Variants in CCDC186 observed in about 807,000 individuals in gnomAD.
CCDC186 encodes the protein coiled-coil domain-containing protein 186.
A neutral mutation model predicts 113.7 loss-of-function variants in CCDC186; 49 were observed. The observed-to-expected ratio is 0.43, with a 90% CI of 0.34 to 0.55. The LOEUF (loss-of-function observed/expected upper bound fraction) is 0.55. Among genes scored for constraint, CCDC186 ranks in the 20% least tolerant of loss-of-function variants. The pLI is 0.02. For missense variants in CCDC186, 890 were observed against 1,011.1 expected (o/e 0.88, Z 1.62); for synonymous variants, 355 against 345.8 (o/e 1.03, Z -0.30).
In CCDC186 at chr10:114,122,387, A is replaced by C. The variant is rs555060531; in HGVS notation, c.*2756T>G. On this transcript the variant is annotated 3_prime_UTR_variant, in exon 16 of 16. Coordinates refer to ENST00000369287, the MANE Select transcript of CCDC186 (RefSeq NM_018017.4). ...CCCAAACCTACCATTTTCAGTCCTT[A>C]AAACTAAACAGGCTAAAGTCTGAAG... is the stretch of plus-strand genomic sequence containing the variant. 1 of 152,326 alleles carries C rather than the reference A, an allele frequency of 6.6e-6. No homozygotes were observed. The highest frequency in any genetic ancestry group is 2.1e-4 in the South Asian group (1 of 4,832). 9.4% of individuals were successfully genotyped at this position (152,326 alleles called of 1,614,324 possible). A position where few individuals can be genotyped will look rare whatever the true frequency, so the allele number is the denominator to read the frequency against.
Position 114,174,148 on chromosome 10 carries a change from CCTCA to C in CCDC186, c.-199_-196del, listed in dbSNP as rs755562830. 2.3e-5 allele frequency: 11 copies of C among 470,208 alleles called. 1 individual carries two copies. The highest frequency in any genetic ancestry group is 1.7e-4 in the South Asian group (11 of 64,408). 29.1% of individuals were successfully genotyped at this position (470,208 alleles called of 1,614,324 possible). Reference sequence around the variant, plus strand: ...ACCGCGGTGAGAAACACAGCCGACGCCTCACTCAGCGGCCGTTTCCCCAAACCCC... The same window carrying C: ...ACCGCGGTGAGAAACACAGCCGACGCCTCAGCGGCCGTTTCCCCAAACCCC... On this transcript the variant is annotated 5_prime_UTR_variant, in exon 1 of 16. An upstream open reading frame in the 5' UTR loses its in-frame stop. Transcript: ENST00000369287.
rs565758602 is a variant in CCDC186, at chr10:114,121,412, G to A, written c.*3731C>T. The A allele has an allele frequency of 2.0e-5, 3 of 152,074 alleles. No homozygotes were observed. Among genetic ancestry groups the A allele is most frequent in the Non-Finnish European group, 4.4e-5 (3 of 67,976 alleles). The allele number at this position is 152,074 out of a possible 1,614,324, so 9.4% of individuals were successfully genotyped here. ...TTTTTTCTTTTACTGATAAATCTTG[G>A]TTTAAATTTGCATGTAACAATTTTT... On this transcript the variant is annotated 3_prime_UTR_variant, in exon 16 of 16. Transcript: ENST00000369287.
intron 6 of CCDC186, among the ~76,000 whole-genome samples, chr10:114,143,052 TGCTG>T (rs2031529869): frequency 6.6e-6 from 1 of 152,192 alleles, no homozygotes; most frequent in African/African-American, 2.4e-5. Context: ...GCACAAAGCT[TGCTG>T]GTTAATAAAT....
intron 6 of CCDC186, among the ~76,000 whole-genome samples, chr10:114,141,801 G>A (rs2031477344): frequency 6.6e-6 from 1 of 152,146 alleles, no homozygotes; most frequent in African/African-American, 2.4e-5. Flanking sequence ...AATTCAGGTA[G>A]ACTGCTGGGC....
chr10:114,125,059 A>T lies in CCDC186; in HGVS notation c.*84T>A. On this transcript the variant is annotated 3_prime_UTR_variant, in exon 16 of 16. Transcript: ENST00000369287. Reference sequence around the variant, plus strand: ...AATATTTTTACTGGCTGAAACAAAAAGTGGAACAAAGTCTCCAACAATAGA... The same window carrying T: ...AATATTTTTACTGGCTGAAACAAAATGTGGAACAAAGTCTCCAACAATAGA... 1.0e-6 allele frequency: 1 copy of T among 978,294 alleles called. No individual in the cohort carries two copies. The highest frequency in any genetic ancestry group is 1.5e-6 in the Non-Finnish European group (1 of 657,670). The allele number at this position is 978,294 out of a possible 1,614,324, so 60.6% of individuals were successfully genotyped here.
chr10:114,159,413 G>A (rs1320710195), intron 2 of CCDC186, among the ~76,000 whole-genome samples: 1 of 151,966 alleles, frequency 6.6e-6, no homozygotes, highest in Non-Finnish European at 1.5e-5. Context: ...GGGAGGTGGA[G>A]GCGGGTGGAT....
intron 6 of CCDC186, among the ~76,000 whole-genome samples, chr10:114,143,353 T>C (rs571732038): frequency 6.6e-6 from 1 of 152,360 alleles, no homozygotes; most frequent in East Asian, 1.9e-4. Context: ...ATATCAGACA[T>C]GACCAAGTAT....
intron 1 of CCDC186, among the ~76,000 whole-genome samples, chr10:114,166,226 C>G (rs1263885927): frequency 6.6e-6 from 1 of 152,208 alleles, no homozygotes; most frequent in Non-Finnish European, 1.5e-5. Context: ...TATCTCTCAA[C>G]ACATTCCTGA....
At chr10:114,135,492 C>A (rs2031230017) in intron 9 of CCDC186, among the ~76,000 whole-genome samples, 1 of 152,096 alleles carries the variant, frequency 6.6e-6, no homozygotes, top group African/African-American at 2.4e-5. Context: ...GAGGACTTAA[C>A]AGATTATTGG....
intron 1 of CCDC186, among the ~76,000 whole-genome samples, chr10:114,166,467 T>C (rs1000321755): frequency 5.9e-5 from 9 of 152,228 alleles, no homozygotes; most frequent in African/African-American, 2.2e-4. Flanking sequence ...ACACTGCATT[T>C]ACACTCATCA....
chr10:114,137,795 G>A (rs971005800), intron 6 of CCDC186, among the ~76,000 whole-genome samples: 1 of 151,862 alleles, frequency 6.6e-6, no homozygotes, highest in Admixed American at 6.6e-5. Context: ...CCAGCACTTT[G>A]GGGGGCTGAG....
intron 1 of CCDC186, among the ~76,000 whole-genome samples, chr10:114,165,068 A>G (rs2032296743): frequency 6.6e-6 from 1 of 152,266 alleles, no homozygotes; most frequent in African/African-American, 2.4e-5. Context: ...AAGTGTAAGA[A>G]AGGAAAAGTA....
chr10:114,139,400 T>C (rs2031387756), intron 6 of CCDC186, among the ~76,000 whole-genome samples: 1 of 151,854 alleles, frequency 6.6e-6, no homozygotes, highest in South Asian at 2.1e-4. Flanking sequence ...CAGTCTCTAC[T>C]AAAAATACAA....
intron 12 of CCDC186, 166 bp downstream of exon 12, chr10:114,130,981 A>G (rs2031068086): frequency 2.0e-6 from 1 of 491,248 alleles, no homozygotes; most frequent in Non-Finnish European, 3.4e-6. Flanking sequence ...ATCCTTTAGG[A>G]TAAAAGATCG....
At chr10:114,149,022 T>C (rs1167696636) in intron 4 of CCDC186, among the ~76,000 whole-genome samples, 1 of 152,256 alleles carries the variant, frequency 6.6e-6, no homozygotes, top group Non-Finnish European at 1.5e-5. Flanking sequence ...TCATCTTTTC[T>C]ATATGCTTGA....
intron 12 of CCDC186, chr10:114,130,424 G>C (rs75816168): frequency 0.013 from 2,007 of 154,278 alleles, 107 homozygotes; most frequent in Admixed American, 0.1. Context: ...AAATAGTAGA[G>C]AATAGGAGGT....
chr10:114,148,979 G>A (rs1030258982), intron 4 of CCDC186, among the ~76,000 whole-genome samples: 6 of 152,198 alleles, frequency 3.9e-5, no homozygotes, highest in Admixed American at 6.5e-5. Context: ...GACAATAGAT[G>A]AAAGATAAAC....
chr10:114,141,898 T>C (rs2031480553), intron 6 of CCDC186, among the ~76,000 whole-genome samples: 1 of 152,224 alleles, frequency 6.6e-6, no homozygotes, highest in Non-Finnish European at 1.5e-5. Context: ...TGTCCTATGC[T>C]GCCTGTTGTC....
chr10:114,129,360 G>A (rs2031013713), intron 13 of CCDC186, among the ~76,000 whole-genome samples: 1 of 150,986 alleles, frequency 6.6e-6, no homozygotes, highest in Admixed American at 6.6e-5. Flanking sequence ...TAAAAAAGAA[G>A]GTAGGGAGAC....
Sources: gnomAD v4.1 joint callset for allele counts (sites outside exome capture counted in the v4.1 genomes callset) on GRCh38, gnomAD v4.1.1 for gene constraint, MANE v1.5 for transcripts, NCBI Gene and HGNC (gene_info 2026-07-23, HGNC 2026-07-21) for gene names.